COL26A1: variants seen among roughly 807,000 people sequenced by gnomAD.
COL26A1 encodes collagen type XXVI alpha 1 chain, also known as collagen alpha-1(XXVI) chain.
COL26A1 carries 41 observed loss-of-function variants against 59.3 expected under a neutral mutation model. The observed-to-expected ratio is 0.69, with a 90% confidence interval of 0.54 to 0.90. The LOEUF is 0.90. Among genes scored for constraint, COL26A1 ranks in the 40% least tolerant of loss-of-function variants. The probability of loss-of-function intolerance (pLI) is 0.00; values close to 1 mark genes in which losing one functional copy is unlikely to be tolerated. For missense variants in COL26A1, 612 were observed against 602.3 expected (o/e 1.02, Z -0.17); for synonymous variants, 266 against 256.0 (o/e 1.04, Z -0.37).
chr7:101,534,357 C>A (rs1181281846), intron 4 of COL26A1, among the ~76,000 whole-genome samples: 3 of 152,114 alleles, frequency 2.0e-5, no homozygotes, highest in Admixed American at 2.0e-4. Context: ...GAGAGCAGGG[C>A]CAGGGTCAGC....
chr7:101,459,321 A>G (rs1202154272), intron 3 of COL26A1, among the ~76,000 whole-genome samples: 1 of 151,708 alleles, frequency 6.6e-6, no homozygotes, highest in African/African-American at 2.4e-5. Flanking sequence ...GTTTTTTGAG[A>G]CGGAGTCTCG....
intron 1 of COL26A1, among the ~76,000 whole-genome samples, chr7:101,409,617 T>C (rs969257311): frequency 2.6e-5 from 4 of 152,232 alleles, no homozygotes; most frequent in African/African-American, 9.6e-5. Context: ...TACCACCTGA[T>C]CAGGGTTCTC....
At chr7:101,397,485 C>CCTTTCCTTCTCCTT (rs1562961790) in intron 1 of COL26A1, among the ~76,000 whole-genome samples, 1 of 149,546 alleles carries the variant, frequency 6.7e-6, no homozygotes, top group Non-Finnish European at 1.5e-5. Context: ...CCTTCCTTCT[C>CCTTTCCTTCTCCTT]CTTTCCTTCT....
At chr7:101,473,608 C>CCACACACACACA (rs150820078) in intron 3 of COL26A1, among the ~76,000 whole-genome samples, 8 of 143,472 alleles carry the variant, frequency 5.6e-5, no homozygotes, top group African/African-American at 1.6e-4. Context: ...CACCTTGTCT[C>CCACACACACACA]CACACACACA....
At chr7:101,447,304 G>A (rs1793220252) in intron 2 of COL26A1, among the ~76,000 whole-genome samples, 1 of 152,190 alleles carries the variant, frequency 6.6e-6, no homozygotes, top group Non-Finnish European at 1.5e-5. Context: ...GTCCTACAAA[G>A]GCAGACTGGT....
chr7:101,467,456 T>C (rs770545642), intron 3 of COL26A1, among the ~76,000 whole-genome samples: 1 of 151,418 alleles, frequency 6.6e-6, no homozygotes, highest in Non-Finnish European at 1.5e-5. Flanking sequence ...GGTGTGACGT[T>C]TGCATAGTGT....
chr7:101,432,390 A>G (rs1300781682), intron 2 of COL26A1, among the ~76,000 whole-genome samples: 1 of 152,172 alleles, frequency 6.6e-6, no homozygotes, highest in Non-Finnish European at 1.5e-5. Flanking sequence ...TCCAGGAGGT[A>G]TTCTGGAAGC....
intron 1 of COL26A1, among the ~76,000 whole-genome samples, chr7:101,408,700 T>C (rs1295910704): frequency 1.3e-5 from 2 of 152,230 alleles, no homozygotes; most frequent in East Asian, 1.9e-4. Flanking sequence ...ATCTGAGGCT[T>C]GTCCTCTGGG....
intron 1 of COL26A1, among the ~76,000 whole-genome samples, chr7:101,418,620 C>A (rs2130269665): frequency 6.6e-6 from 1 of 152,054 alleles, no homozygotes; most frequent in African/African-American, 2.4e-5. Flanking sequence ...AGGCGTGTGC[C>A]ACCACAGGTA....
intron 1 of COL26A1, among the ~76,000 whole-genome samples, chr7:101,387,757 TATATATATATATA>T (rs1186436504): frequency 6.1e-5 from 3 of 49,572 alleles, no homozygotes; most frequent in East Asian, 3.1e-4. Context: ...TATATATTTA[TATATATATATATA>T]TATATATATT....
At chr7:101,377,477 T>C (rs2117021094) in intron 1 of COL26A1, among the ~76,000 whole-genome samples, 1 of 152,282 alleles carries the variant, frequency 6.6e-6, no homozygotes, top group East Asian at 1.9e-4. Flanking sequence ...CAGGCTGGAA[T>C]GCAGTGATGT....
At chr7:101,459,362 G>A (rs1331474644) in intron 3 of COL26A1, among the ~76,000 whole-genome samples, 2 of 152,018 alleles carry the variant, frequency 1.3e-5, no homozygotes, top group Admixed American at 6.6e-5. Context: ...GCAGTGGCAC[G>A]ATCTCGTGCT....
chr7:101,388,710 C>T (rs981432976), intron 1 of COL26A1, among the ~76,000 whole-genome samples: 2 of 151,868 alleles, frequency 1.3e-5, no homozygotes, highest in African/African-American at 2.4e-5. Context: ...ACTAGGGGCA[C>T]AGCCACTGTG....
chr7:101,434,199 T>TTC, intron 2 of COL26A1, among the ~76,000 whole-genome samples: 1 of 49,584 alleles, frequency 2.0e-5, no homozygotes, highest in African/African-American at 9.0e-5. Context: ...TCTCTCTCTC[T>TTC]CTCCCGCCCC....
intron 1 of COL26A1, among the ~76,000 whole-genome samples, chr7:101,399,211 C>T (rs182910827): frequency 5.3e-5 from 8 of 151,318 alleles, no homozygotes; most frequent in Admixed American, 3.3e-4. Flanking sequence ...GAGGCTGAGG[C>T]GAGAGGATTG....
At chr7:101,370,741 G>A (rs1304584237) in intron 1 of COL26A1, among the ~76,000 whole-genome samples, 6 of 151,962 alleles carry the variant, frequency 3.9e-5, no homozygotes, top group African/African-American at 7.3e-5. Context: ...TTGTGGTTTC[G>A]TCTAAGCCAA....
intron 4 of COL26A1, among the ~76,000 whole-genome samples, chr7:101,538,597 C>T (rs1458400630): frequency 1.3e-5 from 2 of 152,138 alleles, no homozygotes; most frequent in African/African-American, 4.8e-5. Context: ...CTGGGCCAGG[C>T]ATCCAGGCCA....
At chr7:101,371,707 G>T (rs931082531) in intron 1 of COL26A1, among the ~76,000 whole-genome samples, 1 of 152,048 alleles carries the variant, frequency 6.6e-6, no homozygotes, top group South Asian at 2.1e-4. Context: ...TGGGAAGAAC[G>T]CTTGAACCCA....
At chr7:101,531,946 G>A (rs568582273) in intron 3 of COL26A1, among the ~76,000 whole-genome samples, 37 of 152,200 alleles carry the variant, frequency 2.4e-4, no homozygotes, top group South Asian at 6.2e-4. Flanking sequence ...GCCCCAGCAC[G>A]CAGAGTGGGA....
Sources: allele counts gnomAD v4.1 joint callset (sites outside exome capture counted in the v4.1 genomes callset), GRCh38; gene constraint gnomAD v4.1.1; transcripts MANE v1.5; gene names NCBI Gene and HGNC (gene_info 2026-07-23, HGNC 2026-07-21).